The following GUCY2F variants were observed in gnomAD, a reference collection of about 807,000 sequenced individuals.
GUCY2F encodes retinal guanylyl cyclase 2.
A neutral mutation model predicts 73.1 loss-of-function variants in GUCY2F; 61 were observed. The ratio of observed to expected loss-of-function variants is 0.83; its 90% CI spans 0.68 to 1.03. The LOEUF is 1.03. GUCY2F is among the 50% of genes least tolerant of loss of function. The pLI is 0.00. For synonymous variants in GUCY2F, 331 were observed against 307.8 expected (o/e 1.08, Z -0.79); for missense variants, 912 against 854.3 (o/e 1.07, Z -0.84).
intron 8 of GUCY2F, among the ~76,000 whole-genome samples, chrX:109,412,347 T>C (rs1931131833): frequency 9.0e-6 from 1 of 111,561 alleles, no homozygotes; most frequent in Non-Finnish European, 1.9e-5. Flanking sequence ...GGACTTAGAA[T>C]ATGAGCTTGC....
At chrX:109,407,964 G>A (rs1193404890) in intron 9 of GUCY2F, among the ~76,000 whole-genome samples, 1 of 112,742 alleles carries the variant, frequency 8.9e-6, no homozygotes, top group African/African-American at 3.2e-5. Context: ...CCCCCACACA[G>A]AATCCCTACT....
rs367937857 is a variant in GUCY2F at position 109,412,814 on chromosome X, G to A, written c.1792-3646C>T. Among the ~76,000 whole-genome samples, 16 of 111,557 alleles carry A rather than the reference G, an allele frequency of 1.4e-4. No individual in the cohort carries two copies. The South Asian group carries it at 1.9e-3, about 13-fold the overall frequency. On this transcript the variant is annotated intron_variant, in intron 8 of 19. Coordinates refer to ENST00000218006, the MANE Select transcript of GUCY2F (RefSeq NM_001522.3). ...AATAAAATGGGAGAGGAAGTGAGACGTGCCATTTCTAGGCTAAGGCTTTTA... is the reference window on the plus strand; with the variant it reads ...AATAAAATGGGAGAGGAAGTGAGACATGCCATTTCTAGGCTAAGGCTTTTA...
intron 3 of GUCY2F, among the ~76,000 whole-genome samples, chrX:109,454,635 A>G (rs1393748393): frequency 8.9e-6 from 1 of 112,339 alleles, no homozygotes; most frequent in African/African-American, 3.2e-5. Context: ...TGGTAAAAGC[A>G]ACAATGTTTT....
intron 3 of GUCY2F, among the ~76,000 whole-genome samples, chrX:109,461,942 C>A (rs1932371528): frequency 8.9e-6 from 1 of 112,582 alleles, no homozygotes; most frequent in African/African-American, 3.2e-5. Flanking sequence ...AGGCAAATAT[C>A]AAACTACATA....
chrX:109,473,657 G>A (rs1265798059), intron 2 of GUCY2F, among the ~76,000 whole-genome samples: 2 of 111,761 alleles, frequency 1.8e-5, no homozygotes, highest in Non-Finnish European at 3.8e-5. Context: ...CCTCAAAGGG[G>A]TTGTGGGTGG....
Position 109,456,828 on chromosome X carries a change from G to T in GUCY2F, c.1033-2969C>A, listed in dbSNP as rs183318992. 6.3e-5 allele frequency among the ~76,000 whole-genome samples: 7 copies of T among 111,774 alleles called. 1 individual carries two copies. In the Admixed American group the frequency reaches 6.6e-4, roughly 11 times the overall value. On this transcript the variant is annotated intron_variant, in intron 3 of 19. Coordinates refer to ENST00000218006, the MANE Select transcript of GUCY2F (RefSeq NM_001522.3). ...ATGGTGCCCTTCAGCAAAGGGAATT[G>T]CCTCTTCCCAAACATCAAGGGCACA...
At chrX:109,456,407 T>A (rs1932261022) in intron 3 of GUCY2F, among the ~76,000 whole-genome samples, 1 of 111,748 alleles carries the variant, frequency 8.9e-6, no homozygotes, top group African/African-American at 3.3e-5. Flanking sequence ...ATGCTAGTGT[T>A]CTGTTTTGAA....
chrX:109,395,319 T>C (rs371545606), intron 12 of GUCY2F, 22 bp downstream of exon 12: 3 of 1,186,114 alleles, frequency 2.5e-6, no homozygotes, highest in Non-Finnish European at 3.4e-6. Flanking sequence ...TCCTGGGCAA[T>C]GATAAGATTC....
rs368309914 is a variant in GUCY2F at position 109,475,301 on chromosome X, G to A, written c.636C>T (p.His212=). 24 of 1,208,862 alleles carry A rather than the reference G, an allele frequency of 2.0e-5. No individual in the cohort carries two copies. The highest frequency in any genetic ancestry group is 2.6e-5 in the Non-Finnish European group (23 of 894,377). Residue 212 remains histidine (H), a synonymous_variant, in exon 2 of 20, where the codon CAC becomes CAT. Transcript: ENST00000218006. ...TCAGGACGACCCCTACAGGTAAGCC[G>A]TGGCTCCGAAGAGCACTTGCGACTC... ...ANRVASALRS[H]GLPVGVVLTT... is the part of the protein sequence containing the mutation.
intron 6 of GUCY2F, among the ~76,000 whole-genome samples, chrX:109,443,906 C>T (rs1054891627): frequency 6.2e-5 from 7 of 112,164 alleles, no homozygotes; most frequent in South Asian, 7.4e-4. Context: ...ATCCATTTCT[C>T]GATAAAACAT....
chrX:109,446,634 T>A (rs1412500064), intron 6 of GUCY2F, among the ~76,000 whole-genome samples: 2 of 111,726 alleles, frequency 1.8e-5, no homozygotes, highest in Non-Finnish European at 3.8e-5. Flanking sequence ...TCAAGATGGA[T>A]TAAAGACTTA....
chrX:109,381,986 G>C (rs764598823), intron 17 of GUCY2F, 132 bp downstream of exon 17: 2 of 404,235 alleles, frequency 4.9e-6, no homozygotes, highest in African/African-American at 5.0e-5. Context: ...AACCCCAAAT[G>C]GGGCTGAAGA....
At chrX:109,432,989 T>C (rs1419649195) in intron 7 of GUCY2F, among the ~76,000 whole-genome samples, 2 of 112,769 alleles carry the variant, frequency 1.8e-5, no homozygotes, top group South Asian at 3.7e-4. Flanking sequence ...GATGTAGATG[T>C]GAGAAGGCTC....
At chrX:109,473,592 A>T (rs1278645857) in intron 2 of GUCY2F, among the ~76,000 whole-genome samples, 1 of 111,159 alleles carries the variant, frequency 9.0e-6, no homozygotes, top group Non-Finnish European at 1.9e-5. Flanking sequence ...AGAACCCTTG[A>T]CGTAAAGGAA....
At chrX:109,439,094 T>C (rs1292861051) in intron 7 of GUCY2F, among the ~76,000 whole-genome samples, 1 of 111,841 alleles carries the variant, frequency 8.9e-6, no homozygotes, top group African/African-American at 3.3e-5. Context: ...CCGAGATGTA[T>C]GGCTTGCATC....
intron 10 of GUCY2F, among the ~76,000 whole-genome samples, chrX:109,402,119 G>T (rs1362213842): frequency 9.0e-6 from 1 of 111,300 alleles, no homozygotes; most frequent in Non-Finnish European, 1.9e-5. Context: ...AGTTTAGAAA[G>T]CTCCTTCTGG....
chrX:109,472,083 G>T (rs1423235227), intron 2 of GUCY2F, among the ~76,000 whole-genome samples: 1 of 110,421 alleles, frequency 9.1e-6, no homozygotes, highest in Non-Finnish European at 1.9e-5. Flanking sequence ...TCTGAGAAAG[G>T]CGCTTCCTCT....
intron 6 of GUCY2F, among the ~76,000 whole-genome samples, chrX:109,446,024 A>G (rs1223630361): frequency 8.9e-6 from 1 of 112,021 alleles, no homozygotes; most frequent in East Asian, 2.8e-4. Context: ...CCCATTCACA[A>G]TTGCTTCAAA....
chrX:109,461,792 A>C (rs976957341), intron 3 of GUCY2F, among the ~76,000 whole-genome samples: 17 of 112,331 alleles, frequency 1.5e-4, no homozygotes, highest in African/African-American at 5.5e-4. Context: ...TGGCTCTAAC[A>C]TACCATTGCT....
Sources: allele counts gnomAD v4.1 joint callset (sites outside exome capture counted in the v4.1 genomes callset), GRCh38; gene constraint gnomAD v4.1.1; transcripts MANE v1.5; gene names NCBI Gene and HGNC (gene_info 2026-07-23, HGNC 2026-07-21).